The following XG variants were observed in gnomAD, a reference collection of about 807,000 sequenced individuals.
The protein encoded by XG is glycoprotein Xg.
In XG, 24 loss-of-function variants were observed where a neutral mutation model predicts 25.7. That is an observed-to-expected ratio of 0.93 (90% CI 0.68 to 1.31). XG has a LOEUF of 1.31. Ranked by LOEUF, XG falls within the 40% of genes most tolerant of loss-of-function variation. XG has a pLI of 0.00. For missense variants in XG, 181 were observed against 187.6 expected (o/e 0.96, Z 0.21); for synonymous variants, 77 against 69.2 (o/e 1.11, Z -0.56).
rs761607999 is a variant in XG, at chrX:2,758,908, T to G, written c.61+6573T>G. On this transcript the variant is annotated intron_variant, in intron 1 of 10. Transcript: ENST00000644266. ...GTCTCTATTATATACACCTATCATC[T>G]ACCTAATCTATCTGTCAATGATTTT... Among the ~76,000 whole-genome samples the G allele has an allele frequency of 1.4e-4, 21 of 152,130 alleles. No individual in the cohort carries two copies. In the East Asian group the frequency reaches 3.1e-3, roughly 22 times the overall value.
intron 7 of XG, among the ~76,000 whole-genome samples, chrX:2,798,585 G>T (rs2086907372): frequency 9.1e-6 from 1 of 110,481 alleles, no homozygotes; most frequent in Non-Finnish European, 1.9e-5. Flanking sequence ...TGGTCAGATT[G>T]GTCTTGAACT....
chrX:2,790,377 T>C (rs1253798541), intron 5 of XG, among the ~76,000 whole-genome samples: 1 of 109,789 alleles, frequency 9.1e-6, no homozygotes, highest in Non-Finnish European at 1.9e-5. Context: ...GGTACATGCC[T>C]GTAATCCAGC....
chrX:2,795,074 A>G (rs1290649793), intron 6 of XG, among the ~76,000 whole-genome samples: 1 of 109,802 alleles, frequency 9.1e-6, no homozygotes, highest in Non-Finnish European at 1.9e-5. Flanking sequence ...GTGTATATAC[A>G]TGCTTTTGTA....
At position 2,810,134 on chromosome X, in the gene XG, C is replaced by G. The variant is rs1164947126; in HGVS notation, c.455-1202C>G. Among the ~76,000 whole-genome samples, 4 of 112,120 alleles carry G rather than the reference C, an allele frequency of 3.6e-5. 1 individual carries two copies. In the Admixed American group the frequency reaches 3.8e-4, roughly 11 times the overall value. ...GCGTTCAGTGACAACACTCTTCCCC[C>G]CAGCATGGCAGCCTCATTCGTGGAG... On this transcript the variant is annotated intron_variant, in intron 9 of 10. Transcript: ENST00000644266.
In XG at chrX:2,766,712, C is replaced by G. The variant is rs758163381; in HGVS notation, c.62-3838C>G. On this transcript the variant is annotated intron_variant, in intron 1 of 10. Transcript: ENST00000644266. ...CCCGAGTAGCTGGGACTACAGGCGC[C>G]CGCCACCACACCCGGCTAATTTTTT... Among the ~76,000 whole-genome samples, 839 of 150,804 alleles carry G rather than the reference C, an allele frequency of 5.6e-3. 3 individuals are homozygous for G. Among genetic ancestry groups the G allele is most frequent in the Non-Finnish European group, 9.2e-3 (621 of 67,684 alleles).
chrX:2,798,177 T>G (rs776797300), intron 7 of XG, among the ~76,000 whole-genome samples: 11 of 111,796 alleles, frequency 9.8e-5, no homozygotes, highest in Non-Finnish European at 1.9e-4. Context: ...GTTTTTCTCA[T>G]GGAGACCAGG....
intron 3 of XG, among the ~76,000 whole-genome samples, chrX:2,777,793 G>C (rs183799506): frequency 1.6e-3 from 251 of 152,320 alleles, no homozygotes; most frequent in African/African-American, 5.7e-3. Flanking sequence ...GGGCGCAGTG[G>C]CTCACGCCTG....
intron 3 of XG, among the ~76,000 whole-genome samples, chrX:2,776,081 A>C (rs1390646306): frequency 6.6e-6 from 1 of 152,124 alleles, no homozygotes; most frequent in Non-Finnish European, 1.5e-5. Context: ...CAAGGTCAGG[A>C]GATCGAGACC....
At chrX:2,808,620 C>T in intron 9 of XG, 2 of 702,560 alleles carry the variant, frequency 2.8e-6, no homozygotes, top group Non-Finnish European at 3.4e-6. Context: ...AGTGCACTGT[C>T]AATCCCGTCT....
chrX:2,763,602 C>T (rs1420962999), intron 1 of XG, among the ~76,000 whole-genome samples: 2 of 152,142 alleles, frequency 1.3e-5, no homozygotes, highest in Non-Finnish European at 2.9e-5. Flanking sequence ...TAACCAATGA[C>T]AAATCAGAGA....
At chrX:2,765,376 GGGAAGGAA>G (rs56267419) in intron 1 of XG, among the ~76,000 whole-genome samples, 73,512 of 143,980 alleles carry the variant, frequency 0.51, 19,915 homozygotes, top group South Asian at 0.68. Flanking sequence ...GAGGGAGGGA[GGGAAGGAA>G]GGAAGGAAGG....
At chrX:2,760,933 G>C (rs986723224) in intron 1 of XG, among the ~76,000 whole-genome samples, 4 of 152,198 alleles carry the variant, frequency 2.6e-5, no homozygotes, top group African/African-American at 7.2e-5. Flanking sequence ...AACCAGCCCT[G>C]CCCACACCTT....
intron 1 of XG, among the ~76,000 whole-genome samples, chrX:2,764,722 G>A (rs1452634299): frequency 2.0e-5 from 3 of 151,924 alleles, no homozygotes; most frequent in African/African-American, 7.3e-5. Flanking sequence ...CACTTCAGAG[G>A]AAACCAGTAC....
chrX:2,758,472 C>T (rs1372160513), intron 1 of XG, among the ~76,000 whole-genome samples: 7 of 152,208 alleles, frequency 4.6e-5, no homozygotes, highest in Admixed American at 1.3e-4. Context: ...GTTACCTTTG[C>T]GTGGAGTCTC....
intron 3 of XG, among the ~76,000 whole-genome samples, chrX:2,781,147 G>C (rs189310269): frequency 0.24 from 36,581 of 151,470 alleles, 5,366 homozygotes; most frequent in African/African-American, 0.46. Flanking sequence ...AGCCAGTGCT[G>C]TTATACAAAG....
Position 2,814,375 on chromosome X carries a change from G to A in XG, c.583G>A (p.Val195Ile). The A allele has an allele frequency of 8.3e-7, 1 of 1,203,691 alleles. No homozygotes were observed. The highest frequency in any genetic ancestry group is 1.1e-6 in the Non-Finnish European group (1 of 892,754). Residue 195 changes from valine to isoleucine, a missense_variant, in exon 11 of 11, where the codon GTC becomes ATC. Physicochemically the swap from Val to Ile is conservative, Grantham distance 29. Coordinates refer to ENST00000644266, the MANE Select transcript of XG (RefSeq NM_001141919.2). ...NCFRTHEPEN[V>I] is the part of the protein sequence containing the mutation. ...AATCTTCCTTTCAGAACCAGAAAAT[G>A]TCTGAAGATGTTAAGATCCCCTGAT... is the stretch of plus-strand genomic sequence containing the variant.
chrX:2,804,750 G>A (rs1264946397), intron 7 of XG, among the ~76,000 whole-genome samples: 2 of 111,455 alleles, frequency 1.8e-5, no homozygotes, highest in African/African-American at 6.5e-5. Flanking sequence ...GGAGGTCTGC[G>A]CTGTGCCATT....
intron 7 of XG, 21 bp downstream of exon 7, chrX:2,797,381 G>A (rs1378922293): frequency 8.3e-7 from 1 of 1,204,336 alleles, no homozygotes; most frequent in Admixed American, 2.2e-5. Flanking sequence ...ATCTGGGCAT[G>A]CGATGGTGGG....
chrX:2,762,128 C>G (rs1051910985), intron 1 of XG, among the ~76,000 whole-genome samples: 3 of 152,184 alleles, frequency 2.0e-5, no homozygotes, highest in African/African-American at 7.2e-5. Context: ...CAACCAGTGC[C>G]TCATTGCATG....
Sources: allele counts gnomAD v4.1 joint callset (sites outside exome capture counted in the v4.1 genomes callset), GRCh38; gene constraint gnomAD v4.1.1; transcripts MANE v1.5; gene names NCBI Gene and HGNC (gene_info 2026-07-23, HGNC 2026-07-21).